Variants in SPATS2L observed in about 807,000 individuals in gnomAD.
SPATS2L encodes the protein spermatogenesis associated serine rich 2 like, also known as SPATS2-like protein.
In SPATS2L, 30 loss-of-function variants were observed where a neutral mutation model predicts 59.6. The observed-to-expected ratio is 0.50, with a 90% confidence interval of 0.38 to 0.68. The LOEUF (loss-of-function observed/expected upper bound fraction) is 0.68, where lower values mean the gene tolerates loss of function less well. SPATS2L is among the 30% of genes least tolerant of loss of function. SPATS2L has a pLI of 0.00. For missense variants in SPATS2L, 615 were observed against 700.0 expected (o/e 0.88, Z 1.37); for synonymous variants, 252 against 263.5 (o/e 0.96, Z 0.42).
Position 200,478,028 on chromosome 2 carries a change from C to T in SPATS2L, c.1674C>T (p.Ala558=), listed in dbSNP as rs141275681. Residue 558 remains alanine (A), a synonymous_variant, in exon 13 of 13, where the codon GCC becomes GCT. Coordinates refer to ENST00000409140, the MANE Select transcript of SPATS2L (RefSeq NM_001100423.2). ...VLSVPAVTLV[A] ...CAGTCCCGGCTGTGACGTTGGTGGC[C>T]TGAGCTAGGAGGAAAAAGAGCAGTT... 416 of 1,547,330 alleles carry T rather than the reference C, an allele frequency of 2.7e-4. 1 individual carries two copies. The highest frequency in any genetic ancestry group is 3.4e-4 in the Non-Finnish European group (395 of 1,147,550).
chr2:200,423,687 C>G (rs2083406020), intron 6 of SPATS2L, among the ~76,000 whole-genome samples: 1 of 152,178 alleles, frequency 6.6e-6, no homozygotes. Flanking sequence ...AGTGAGTTCA[C>G]AGCATAAGCC....
At position 200,479,625 on chromosome 2, in the gene SPATS2L, G is replaced by A. The variant is rs2087731197; in HGVS notation, c.*1594G>A. The stretch of plus-strand genomic sequence containing the variant: ...CCAGTTCCCCTAACTTTGACTACAG[G>A]GCAGTCCAGTTTGGGTGCCGCTTCC... On this transcript the variant is annotated 3_prime_UTR_variant, in exon 13 of 13. Transcript: ENST00000409140. 2.5e-6 allele frequency: 1 copy of A among 398,442 alleles called. No homozygotes were observed. The highest frequency in any genetic ancestry group is 4.4e-6 in the Non-Finnish European group (1 of 226,072). 24.7% of individuals were successfully genotyped at this position (398,442 alleles called of 1,614,324 possible). A position where few individuals can be genotyped will look rare whatever the true frequency, so the allele number is the denominator to read the frequency against.
At chr2:200,470,216 A>G (rs1193438224) in intron 11 of SPATS2L, among the ~76,000 whole-genome samples, 200 bp downstream of exon 11, 1 of 152,248 alleles carries the variant, frequency 6.6e-6, no homozygotes, top group East Asian at 1.9e-4. Flanking sequence ...ACTGCCCATC[A>G]GTAATTCCCC....
chr2:200,381,208 T>C (rs2081799578), intron 2 of SPATS2L, among the ~76,000 whole-genome samples: 1 of 152,204 alleles, frequency 6.6e-6, no homozygotes, highest in African/African-American at 2.4e-5. Flanking sequence ...CCCCTGATTG[T>C]GCTTAGGGCC....
intron 3 of SPATS2L, among the ~76,000 whole-genome samples, chr2:200,398,135 G>A (rs866300298): frequency 2.6e-5 from 4 of 152,320 alleles, no homozygotes; most frequent in Middle Eastern, 3.4e-3. Flanking sequence ...AGCCTCCTCA[G>A]CTGTTAACTA....
At chr2:200,322,694 A>G (rs998347218) in intron 1 of SPATS2L, among the ~76,000 whole-genome samples, 1 of 152,214 alleles carries the variant, frequency 6.6e-6, no homozygotes, top group Non-Finnish European at 1.5e-5. Context: ...ATCAAGGTAC[A>G]GGTATTGCCA....
intron 2 of SPATS2L, among the ~76,000 whole-genome samples, chr2:200,386,535 T>C (rs1315727059): frequency 6.6e-6 from 1 of 152,190 alleles, no homozygotes; most frequent in Non-Finnish European, 1.5e-5. Flanking sequence ...ATAAATTTTC[T>C]CTCTTCAATG....
At chr2:200,428,754 A>G (rs895313838) in intron 6 of SPATS2L, among the ~76,000 whole-genome samples, 3 of 152,016 alleles carry the variant, frequency 2.0e-5, no homozygotes, top group Admixed American at 6.6e-5. Context: ...CACCTATCCA[A>G]TTGTGCAAAC....
At chr2:200,392,016 C>T (rs2082187456) in intron 3 of SPATS2L, among the ~76,000 whole-genome samples, 1 of 152,212 alleles carries the variant, frequency 6.6e-6, no homozygotes, top group Admixed American at 6.5e-5. Context: ...ATATTCCACA[C>T]ATTATTTCAG....
intron 4 of SPATS2L, among the ~76,000 whole-genome samples, chr2:200,414,106 T>C (rs1031768823): frequency 6.7e-6 from 1 of 149,074 alleles, no homozygotes; most frequent in African/African-American, 2.5e-5. Context: ...CCCACTTGGA[T>C]TGAGGCCCCC....
At chr2:200,409,976 G>T (rs1383770540) in intron 3 of SPATS2L, among the ~76,000 whole-genome samples, 1 of 152,102 alleles carries the variant, frequency 6.6e-6, no homozygotes, top group Non-Finnish European at 1.5e-5. Context: ...TGTTTTGCAG[G>T]GGAGAGACTG....
intron 5 of SPATS2L, 30 bp downstream of exon 5, chr2:200,416,458 A>G: frequency 8.0e-7 from 1 of 1,256,106 alleles, no homozygotes; most frequent in Non-Finnish European, 1.1e-6. Context: ...TAAATTGGTA[A>G]CATCTTCAAT....
At chr2:200,360,967 C>CTGTGTGTGTGTGTGTGTGTG (rs145080452) in intron 2 of SPATS2L, among the ~76,000 whole-genome samples, 1 of 140,340 alleles carries the variant, frequency 7.1e-6, no homozygotes, top group Non-Finnish European at 1.5e-5. Flanking sequence ...CAGAACAGGG[C>CTGTGTGTGTGTGTGTGTGTG]TGTGTGTGTG....
At chr2:200,382,219 C>T (rs2081839962) in intron 2 of SPATS2L, among the ~76,000 whole-genome samples, 1 of 152,134 alleles carries the variant, frequency 6.6e-6, no homozygotes, top group Non-Finnish European at 1.5e-5. Flanking sequence ...GGACTACAAA[C>T]ACACGCCATC....
At chr2:200,435,684 T>A (rs2084238740) in intron 6 of SPATS2L, among the ~76,000 whole-genome samples, 2 of 152,186 alleles carry the variant, frequency 1.3e-5, no homozygotes, top group African/African-American at 4.8e-5. Context: ...GAGGATATTT[T>A]AAGGCTTCAC....
At chr2:200,361,161 T>C (rs1411709830) in intron 2 of SPATS2L, among the ~76,000 whole-genome samples, 1 of 142,058 alleles carries the variant, frequency 7.0e-6, no homozygotes, top group Non-Finnish European at 1.5e-5. Flanking sequence ...AATTTTGCAA[T>C]CTGTGGCACA....
Position 200,306,784 on chromosome 2 carries a change from G to C in SPATS2L, c.-211G>C, listed in dbSNP as rs2079027611. On this transcript the variant is annotated 5_prime_UTR_variant, in exon 1 of 13. Coordinates refer to ENST00000409140, the MANE Select transcript of SPATS2L (RefSeq NM_001100423.2). ...CAGCGCGGGGCGAGCTCCGGACGGC[G>C]CGCGGCCCAGGCAGCGGCTCCCGCT... 1.0e-6 allele frequency: 1 copy of C among 981,402 alleles called. No individual in the cohort carries two copies. Among genetic ancestry groups the C allele is most frequent in the African/African-American group, 1.8e-5 (1 of 56,850 alleles). The allele number at this position is 981,402 out of a possible 1,614,324, so 60.8% of individuals were successfully genotyped here.
chr2:200,317,361 A>T (rs1369484348), intron 1 of SPATS2L, among the ~76,000 whole-genome samples: 2 of 152,204 alleles, frequency 1.3e-5, no homozygotes, highest in African/African-American at 4.8e-5. Context: ...TTCTGTTATG[A>T]TTTTGTTGTG....
chr2:200,391,810 G>A (rs2082179639), intron 3 of SPATS2L, among the ~76,000 whole-genome samples: 1 of 152,146 alleles, frequency 6.6e-6, no homozygotes, highest in African/African-American at 2.4e-5. Flanking sequence ...TCTAAAGCCT[G>A]TACCCTTTCC....
Sources: allele counts gnomAD v4.1 joint callset (sites outside exome capture counted in the v4.1 genomes callset), GRCh38; gene constraint gnomAD v4.1.1; transcripts MANE v1.5; gene names NCBI Gene and HGNC (gene_info 2026-07-23, HGNC 2026-07-21).